Variants in CCDC77 observed in about 807,000 individuals in gnomAD.
CCDC77 encodes coiled-coil domain-containing protein 77.
In CCDC77, 56 loss-of-function variants were observed where a neutral mutation model predicts 66.8. The observed-to-expected ratio is 0.84, with a 90% confidence interval of 0.68 to 1.05. The LOEUF (loss-of-function observed/expected upper bound fraction) is 1.05, where lower values mean the gene tolerates loss of function less well. Ranked by LOEUF, CCDC77 falls within the 50% of genes least tolerant of loss-of-function variation. The pLI is 0.00. For synonymous variants in CCDC77, 196 were observed against 195.2 expected, an observed-to-expected ratio of 1.00 and a Z score of -0.03; for missense variants, 570 against 576.8, an observed-to-expected ratio of 0.99 and a Z score of 0.12.
chr12:427,752 C>T (rs1335953744), intron 5 of CCDC77, among the ~76,000 whole-genome samples: 1 of 152,118 alleles, frequency 6.6e-6, no homozygotes, highest in Non-Finnish European at 1.5e-5. Context: ...GGATTACAGG[C>T]ATGAAACACC....
At chr12:398,410 AT>A (rs1179031641), upstream of CCDC77, among the ~76,000 whole-genome samples, 1 of 151,126 alleles carries the variant, frequency 6.6e-6, no homozygotes, top group Non-Finnish European at 1.5e-5. Context: ...TCATCATGAG[AT>A]TGCAGCAATT....
intron 4 of CCDC77, among the ~76,000 whole-genome samples, chr12:415,378 A>ATAATATGTTAATATAATTAACG: frequency 9.3e-6 from 1 of 107,616 alleles, no homozygotes. Context: ...TATAATCAAC[A>ATAATATGTTAATATAATTAACG]TAATATTATG....
chr12:433,139 G>A (rs766047520), intron 8 of CCDC77, 35 bp from the exon 9 acceptor site: 1 of 1,586,474 alleles, frequency 6.3e-7, no homozygotes. Context: ...AGTGGAAGTA[G>A]GGCTGGATTC....
intron 5 of CCDC77, among the ~76,000 whole-genome samples, chr12:423,114 C>CTTTTTTTTTTTTTTTTT (rs139334337): frequency 1.3e-5 from 1 of 74,572 alleles, no homozygotes; most frequent in Non-Finnish European, 2.3e-5. Flanking sequence ...TCTTTTAAGC[C>CTTTTTTTTTTTTTTTTT]TTTTTTTTTT....
chr12:413,764 A>T (rs2137555336), intron 4 of CCDC77, among the ~76,000 whole-genome samples: 1 of 150,776 alleles, frequency 6.6e-6, no homozygotes, highest in South Asian at 2.1e-4. Flanking sequence ...AGTAGCTGGG[A>T]TTACAGGTGC....
chr12:401,106 T>C (rs1016575120), upstream of CCDC77, among the ~76,000 whole-genome samples: 1 of 152,210 alleles, frequency 6.6e-6, no homozygotes, highest in Non-Finnish European at 1.5e-5. Context: ...TAAAGCCCAG[T>C]GTCTTACATT....
In CCDC77 at chr12:430,734, C is replaced by T. The variant is rs755191934; in HGVS notation, c.581C>T (p.Ala194Val). Residue 194 changes from alanine (A) to valine (V), a missense_variant and splice_region_variant, in exon 7 of 13, where the codon GCA (alanine) becomes GTA (valine). Physicochemically the swap from Ala to Val is moderately conservative, Grantham distance 64. Transcript: ENST00000239830. ...CEQSESSAFK[A>V]DPKISKRRPS... The stretch of plus-strand genomic sequence containing the variant: ...CAGAGTGAATCTTCAGCTTTCAAAG[C>T]AGGTAACAACCATATAACCTATTAG... 2 of 1,608,134 alleles carry T rather than the reference C, an allele frequency of 1.2e-6. No homozygotes were observed. Among genetic ancestry groups the T allele is most frequent in the East Asian group, 2.2e-5 (1 of 44,848 alleles).
At chr12:429,566 C>G (rs1945609151) in intron 6 of CCDC77, among the ~76,000 whole-genome samples, 1 of 151,842 alleles carries the variant, frequency 6.6e-6, no homozygotes, top group Non-Finnish European at 1.5e-5. Flanking sequence ...TCAAGCACTC[C>G]TCCCACCTCA....
At chr12:416,415 A>ATATATT in intron 4 of CCDC77, among the ~76,000 whole-genome samples, 1 of 43,454 alleles carries the variant, frequency 2.3e-5, no homozygotes, top group Non-Finnish European at 4.6e-5. Flanking sequence ...ATATATATAT[A>ATATATT]TTTCTTTTTT....
chr12:434,818 A>G (rs1163387754), intron 9 of CCDC77, among the ~76,000 whole-genome samples: 1 of 151,806 alleles, frequency 6.6e-6, no homozygotes, highest in Non-Finnish European at 1.5e-5. Flanking sequence ...TAACCCCTTC[A>G]CCCTTTTGCC....
chr12:426,174 A>G (rs571790897), intron 5 of CCDC77, among the ~76,000 whole-genome samples: 1 of 152,278 alleles, frequency 6.6e-6, no homozygotes, highest in African/African-American at 2.4e-5. Context: ...AGATTCTTTT[A>G]TACTGTATTG....
In CCDC77 at chr12:432,861, A is replaced by AC. The variant is rs71439340; in HGVS notation, c.673-309dup. On this transcript the variant is annotated intron_variant, in intron 8 of 12. Coordinates refer to ENST00000239830, the MANE Select transcript of CCDC77 (RefSeq NM_032358.4). Reference sequence around the variant, plus strand: ...AGACCAGCCTGGACAACATAGTGAGACCCCATCTCTACAAAAATTAAAAAT... The same window carrying AC: ...AGACCAGCCTGGACAACATAGTGAGACCCCCATCTCTACAAAAATTAAAAAT... 6.1e-3 allele frequency among the ~76,000 whole-genome samples: 921 copies of AC among 152,210 alleles called. 8 individuals carry two copies. Among genetic ancestry groups the AC allele is most frequent in the African/African-American group, 0.021 (872 of 41,520 alleles).
At chr12:416,687 T>A (rs1189682816) in intron 4 of CCDC77, among the ~76,000 whole-genome samples, 10 of 151,144 alleles carry the variant, frequency 6.6e-5, no homozygotes. Context: ...TATATTCACA[T>A]TGTTGTGTGA....
chr12:432,070 A>C (rs1945662780), intron 8 of CCDC77, 116 bp downstream of exon 8: 1 of 606,756 alleles, frequency 1.6e-6, no homozygotes, highest in Admixed American at 3.0e-5. Flanking sequence ...ACATCTAAGC[A>C]TCATGTGGTT....
intron 2 of CCDC77, among the ~76,000 whole-genome samples, chr12:408,186 G>T (rs184580597): frequency 9.5e-4 from 145 of 152,194 alleles, no homozygotes; most frequent in African/African-American, 3.3e-3. Context: ...GCGAATGCTT[G>T]ATAAGAAAGT....
intron 1 of CCDC77, among the ~76,000 whole-genome samples, chr12:392,683 T>G (rs1425008883): frequency 4.6e-5 from 7 of 151,876 alleles, no homozygotes; most frequent in Non-Finnish European, 1.5e-5. Context: ...TGGCGGAGGT[T>G]GCAGTGAGCC....
At chr12:389,709 A>C in intron 1 of CCDC77, among the ~76,000 whole-genome samples, 1 of 152,118 alleles carries the variant, frequency 6.6e-6, no homozygotes. Context: ...ACTCGAAAAC[A>C]CGCCGGGCTT....
intron 3 of CCDC77, among the ~76,000 whole-genome samples, chr12:411,483 A>T (rs977122497): frequency 2.1e-5 from 3 of 141,902 alleles, no homozygotes; most frequent in African/African-American, 7.8e-5. Flanking sequence ...CCCGGCCAAG[A>T]TTTTTTTTTT....
At chr12:389,571 C>CGGAACGAGGCGG (rs57308009) in intron 1 of CCDC77, 4 of 224,044 alleles carry the variant, frequency 1.8e-5, no homozygotes, top group Non-Finnish European at 3.7e-5. Context: ...GGGCGAGGCG[C>CGGAACGAGGCGG]AACGAGGCGG....
Sources: gnomAD v4.1 joint callset for allele counts (sites outside exome capture counted in the v4.1 genomes callset) on GRCh38, gnomAD v4.1.1 for gene constraint, MANE v1.5 for transcripts, NCBI Gene and HGNC (gene_info 2026-07-23, HGNC 2026-07-21) for gene names.